MECOM: variants seen among roughly 807,000 people sequenced by gnomAD.
The protein encoded by MECOM is MDS1 and EVI1 complex locus, also known as histone-lysine N-methyltransferase MECOM.
Under a neutral mutation model 116.3 loss-of-function variants are expected in MECOM, and 13 were observed. That is an observed-to-expected ratio of 0.11 (90% CI 0.07 to 0.18). The LOEUF is 0.18. Among genes scored for constraint, MECOM ranks in the 10% least tolerant of loss-of-function variants. The pLI, the probability that MECOM is intolerant of heterozygous loss-of-function variation, is 1.00. For missense variants in MECOM, 1,299 were observed against 1,509.0 expected (o/e 0.86, Z 2.31); for synonymous variants, 528 against 535.2 (o/e 0.99, Z 0.19).
At position 169,084,763 on chromosome 3, in the gene MECOM, A is replaced by C; in HGVS notation, c.*146T>G. ...TCTTTTTTCTTTCTTTTCTTTTTTA[A>C]ATCATTCAGTTTAAGGTCACTAGAC... On this transcript the variant is annotated 3_prime_UTR_variant, in exon 17 of 17. Transcript: ENST00000651503. 1.3e-6 allele frequency: 1 copy of C among 797,284 alleles called. No individual in the cohort carries two copies. The highest frequency in any genetic ancestry group is 2.7e-5 in the East Asian group (1 of 36,932). The allele number at this position is 797,284 out of a possible 1,614,324, so 49.4% of individuals were successfully genotyped here. A position where few individuals can be genotyped will look rare whatever the true frequency, so the allele number is the denominator to read the frequency against.
chr3:169,530,655 G>C (rs77941151), intron 1 of MECOM, among the ~76,000 whole-genome samples: 6,936 of 152,118 alleles, frequency 0.046, 261 homozygotes, highest in African/African-American at 0.11. Context: ...GAGGAGGAGC[G>C]TAGACAGCCT....
At position 169,348,290 on chromosome 3, in the gene MECOM, T is replaced by A. The variant is rs1290672455; in HGVS notation, c.375+32897A>T. Among the ~76,000 whole-genome samples, 4 of 152,208 alleles carry A rather than the reference T, an allele frequency of 2.6e-5. No individual in the cohort carries two copies. In the East Asian group the frequency reaches 7.7e-4, roughly 29 times the overall value. ...TTCACTGAAGTAAAAAGAGGCTGTT[T>A]CTGGGTGTGGAGTGTGAAAAACAAT... On this transcript the variant is annotated intron_variant, in intron 2 of 16. Transcript: ENST00000651503.
At chr3:169,576,838 C>CACACACACACACAGAGAGAGAG (rs368016499) in intron 1 of MECOM, among the ~76,000 whole-genome samples, 3 of 125,012 alleles carry the variant, frequency 2.4e-5, no homozygotes, top group Non-Finnish European at 5.1e-5. Context: ...CACACACACA[C>CACACACACACACAGAGAGAGAG]AGAGAGAGAG....
At chr3:169,235,360 A>C (rs992037114) in intron 2 of MECOM, among the ~76,000 whole-genome samples, 1 of 152,108 alleles carries the variant, frequency 6.6e-6, no homozygotes, top group Non-Finnish European at 1.5e-5. Flanking sequence ...ATATGGAAAG[A>C]GACTTCCTTT....
chr3:169,102,130 T>C lies in MECOM; in HGVS notation c.2701A>G (p.Asn901Asp). The part of the protein sequence containing the change: ...ELLQSVPSMF[N>D]FRAPPNALPE... Reference sequence around the variant, plus strand: ...AGGGCATTGGGAGGCGCCCTGAAGTTGAACATAGAGGGCACTGACTGTAAG... The same window carrying C: ...AGGGCATTGGGAGGCGCCCTGAAGTCGAACATAGAGGGCACTGACTGTAAG... Residue 901 changes from asparagine (N) to aspartate (D), a missense_variant, in exon 11 of 17, where the codon AAC becomes GAC. By Grantham distance (23) the Asn-to-Asp change is conservative. Coordinates refer to ENST00000651503, the MANE Select transcript of MECOM (RefSeq NM_004991.4). 1 of 1,613,922 alleles carries C rather than the reference T, an allele frequency of 6.2e-7. No homozygotes were observed. Among genetic ancestry groups the C allele is most frequent in the Non-Finnish European group, 8.5e-7 (1 of 1,179,904 alleles).
chr3:169,213,348 C>T (rs1029778598), intron 2 of MECOM, among the ~76,000 whole-genome samples: 4 of 151,728 alleles, frequency 2.6e-5, no homozygotes, highest in East Asian at 3.9e-4. Context: ...CAAAAAGCAA[C>T]GAAAAAAGAA....
intron 1 of MECOM, among the ~76,000 whole-genome samples, chr3:169,447,618 A>T (rs965261430): frequency 6.6e-6 from 1 of 152,222 alleles, no homozygotes; most frequent in African/African-American, 2.4e-5. Flanking sequence ...AGGAATCCAT[A>T]GTGGGAAGCA....
At chr3:169,464,113 G>A (rs1240832516) in intron 1 of MECOM, 3 of 152,108 alleles carry the variant, frequency 2.0e-5, no homozygotes, top group Non-Finnish European at 4.4e-5. Flanking sequence ...TCAGAGCCAG[G>A]ACATCCAAGG....
At chr3:169,304,057 T>C (rs1035113669) in intron 2 of MECOM, among the ~76,000 whole-genome samples, 4 of 152,250 alleles carry the variant, frequency 2.6e-5, no homozygotes, top group Non-Finnish European at 5.9e-5. Context: ...GGAAGCAATT[T>C]CATCACCCCT....
chr3:169,112,293 G>T, intron 9 of MECOM, among the ~76,000 whole-genome samples: 1 of 152,114 alleles, frequency 6.6e-6, no homozygotes, highest in East Asian at 1.9e-4. Flanking sequence ...GAATTCTTGT[G>T]CAATTACAGA....
chr3:169,541,778 G>A (rs1376822353), intron 1 of MECOM, among the ~76,000 whole-genome samples: 1 of 130,474 alleles, frequency 7.7e-6, no homozygotes, highest in African/African-American at 3.2e-5. Flanking sequence ...AGCATCCTCT[G>A]TGCTCTTGAC....
intron 1 of MECOM, among the ~76,000 whole-genome samples, chr3:169,543,088 T>C (rs2109243336): frequency 6.6e-6 from 1 of 152,356 alleles, no homozygotes; most frequent in African/African-American, 2.4e-5. Flanking sequence ...GTGCATTATT[T>C]TTTTAATATT....
intron 2 of MECOM, among the ~76,000 whole-genome samples, chr3:169,317,455 G>T (rs1256551248): frequency 6.6e-6 from 1 of 152,128 alleles, no homozygotes. Context: ...ACTTGAAAAG[G>T]CTATGAAAAC....
chr3:169,359,140 A>G (rs1293850223), intron 2 of MECOM, among the ~76,000 whole-genome samples: 1 of 151,792 alleles, frequency 6.6e-6, no homozygotes, highest in Admixed American at 6.6e-5. Flanking sequence ...GTGTCACCTT[A>G]CCTGATTATA....
chr3:169,268,548 CAA>C (rs1005306919), intron 2 of MECOM, among the ~76,000 whole-genome samples: 2 of 152,182 alleles, frequency 1.3e-5, no homozygotes, highest in African/African-American at 4.8e-5. Context: ...GAGGAATTCA[CAA>C]AAGGAAAATT....
intron 1 of MECOM, among the ~76,000 whole-genome samples, chr3:169,495,979 G>C (rs958178974): frequency 6.6e-6 from 1 of 152,118 alleles, no homozygotes; most frequent in African/African-American, 2.4e-5. Flanking sequence ...TAAGCATAAC[G>C]ACCCTACCAG....
At chr3:169,584,392 C>T (rs970442037) in intron 1 of MECOM, among the ~76,000 whole-genome samples, 16 of 151,064 alleles carry the variant, frequency 1.1e-4, no homozygotes, top group East Asian at 3.9e-4. Context: ...GGTGAAACCC[C>T]GTCTCTACTA....
chr3:169,401,393 G>A (rs759964994), intron 1 of MECOM, among the ~76,000 whole-genome samples: 9 of 150,552 alleles, frequency 6.0e-5, no homozygotes, highest in East Asian at 2.0e-4. Flanking sequence ...ACCATTAATC[G>A]TTTATTCATT....
chr3:169,112,604 T>C (rs1191490425), intron 9 of MECOM, among the ~76,000 whole-genome samples, 183 bp downstream of exon 9: 1 of 152,160 alleles, frequency 6.6e-6, no homozygotes, highest in African/African-American at 2.4e-5. Flanking sequence ...TTTTTACACA[T>C]ATATTAACTA....
Sources: gnomAD v4.1 joint callset for allele counts (sites outside exome capture counted in the v4.1 genomes callset) on GRCh38, gnomAD v4.1.1 for gene constraint, MANE v1.5 for transcripts, NCBI Gene and HGNC (gene_info 2026-07-23, HGNC 2026-07-21) for gene names.